ALX4: variants seen among roughly 807,000 people sequenced by gnomAD.
ALX4 encodes ALX homeobox 4, also known as homeobox protein aristaless-like 4.
Under a neutral mutation model 40.6 loss-of-function variants are expected in ALX4, and 22 were observed. That is an observed-to-expected ratio of 0.54 (90% CI 0.39 to 0.77). The LOEUF (loss-of-function observed/expected upper bound fraction) is 0.77. Ranked by LOEUF, ALX4 falls within the 30% of genes least tolerant of loss-of-function variation. ALX4 has a pLI of 0.00. For synonymous variants in ALX4, 266 were observed against 240.5 expected (o/e 1.11, Z -0.98); for missense variants, 556 against 564.8 (o/e 0.98, Z 0.16).
At position 44,305,739 on chromosome 11, in the gene ALX4, T is replaced by C. The variant is rs532438250; in HGVS notation, c.466+3858A>G. Among the ~76,000 whole-genome samples, 3 of 152,372 alleles carry C rather than the reference T, an allele frequency of 2.0e-5. No individual in the cohort carries two copies. In the East Asian group the frequency reaches 5.8e-4, roughly 29 times the overall value. On this transcript the variant is annotated intron_variant, in intron 1 of 3. Coordinates refer to ENST00000652299, the MANE Select transcript of ALX4 (RefSeq NM_021926.4). ...AGGCGGCACCCCAGGGGCTCCAACC[T>C]GGCCCGCGCCTCCCCAGACCTTGGC...
intron 1 of ALX4, among the ~76,000 whole-genome samples, chr11:44,276,097 A>C (rs1326741091): frequency 1.3e-5 from 2 of 152,130 alleles, no homozygotes; most frequent in Admixed American, 1.3e-4. Flanking sequence ...TGTCTGGCCC[A>C]GTGGGGCTTG....
intron 1 of ALX4, among the ~76,000 whole-genome samples, chr11:44,300,454 T>A (rs926095197): frequency 2.0e-5 from 3 of 152,142 alleles, no homozygotes; most frequent in Admixed American, 6.5e-5. Context: ...TGTGGCCACA[T>A]AGAGACATCG....
At chr11:44,270,217 G>T (rs1229616630) in intron 2 of ALX4, among the ~76,000 whole-genome samples, 1 of 152,142 alleles carries the variant, frequency 6.6e-6, no homozygotes, top group South Asian at 2.1e-4. Flanking sequence ...GAGGAGATGT[G>T]GGTTATCTGG....
rs1021628863 is a variant in ALX4, at chr11:44,262,984, A to G, written c.*1870T>C. On this transcript the variant is annotated 3_prime_UTR_variant, in exon 4 of 4. Transcript: ENST00000652299. ...CAATGTCCAAGACCCTTTCACCTCTATAAGATCCATTTTAGAGCTACGGTT... is the reference window on the plus strand; with the variant it reads ...CAATGTCCAAGACCCTTTCACCTCTGTAAGATCCATTTTAGAGCTACGGTT... 2.0e-5 allele frequency: 3 copies of G among 152,184 alleles called. No individual in the cohort carries two copies. Among genetic ancestry groups the G allele is most frequent in the African/African-American group, 4.8e-5 (2 of 41,454 alleles). The allele number at this position is 152,184 out of a possible 1,614,324, so 9.4% of individuals were successfully genotyped here.
At chr11:44,276,683 G>A (rs923303965) in intron 1 of ALX4, among the ~76,000 whole-genome samples, 10 of 152,220 alleles carry the variant, frequency 6.6e-5, no homozygotes, top group Non-Finnish European at 1.0e-4. Context: ...CTGGTTTTGT[G>A]GAAGATAATT....
rs1956190921 is a variant in ALX4 at position 44,262,893 on chromosome 11, C to T, written c.*1961G>A. 1 of 152,204 alleles carries T rather than the reference C, an allele frequency of 6.6e-6. No homozygotes were observed. Among genetic ancestry groups the T allele is most frequent in the South Asian group, 2.1e-4 (1 of 4,824 alleles). The allele number at this position is 152,204 out of a possible 1,614,324, so 9.4% of individuals were successfully genotyped here. ...AACCTCAGAACTAGAAAAAACTTCC[C>T]AAAAGTCACTCCAAATCCTCAAATA... On this transcript the variant is annotated 3_prime_UTR_variant, in exon 4 of 4. Transcript: ENST00000652299.
intron 3 of ALX4, among the ~76,000 whole-genome samples, chr11:44,265,845 G>T (rs1407335907): frequency 1.3e-5 from 2 of 152,320 alleles, no homozygotes; most frequent in African/African-American, 2.4e-5. Flanking sequence ...GAGGGCATGT[G>T]CAGGGATGAG....
Position 44,264,912 on chromosome 11 carries a change from A to T in ALX4, c.1178T>A (p.Ile393Asn), listed in dbSNP as rs777315924. 2.5e-6 allele frequency: 4 copies of T among 1,612,914 alleles called. No homozygotes were observed. Among genetic ancestry groups the T allele is most frequent in the Admixed American group, 3.3e-5 (2 of 59,998 alleles). Reference protein sequence around the residue: ...NGEPDRKTSSIAALRMKAKEH... With the variant: ...NGEPDRKTSSNAALRMKAKEH... The stretch of plus-strand genomic sequence containing the variant: ...CTTGGCCTTCATGCGGAGGGCCGCG[A>T]TGCTCGAGGTCTTGCGGTCCGGCTC... Residue 393 changes from isoleucine (I) to asparagine (N), a missense_variant, in exon 4 of 4, where the codon ATC (isoleucine) becomes AAC (asparagine). Ile to Asn is a moderately radical substitution (Grantham distance 149). Coordinates refer to ENST00000652299, the MANE Select transcript of ALX4 (RefSeq NM_021926.4).
intron 1 of ALX4, among the ~76,000 whole-genome samples, chr11:44,291,348 C>G (rs4998870): frequency 0.68 from 102,474 of 151,692 alleles, 34,871 homozygotes; most frequent in South Asian, 0.89. Context: ...CCTGTTGTCA[C>G]TGTCTGGCAC....
In ALX4 at chr11:44,264,617, C is replaced by T; in HGVS notation, c.*237G>A. 1 of 587,900 alleles carries T rather than the reference C, an allele frequency of 1.7e-6. No individual in the cohort carries two copies. The highest frequency in any genetic ancestry group is 3.0e-6 in the Non-Finnish European group (1 of 331,948). The allele number at this position is 587,900 out of a possible 1,614,324, so 36.4% of individuals were successfully genotyped here. On this transcript the variant is annotated 3_prime_UTR_variant, in exon 4 of 4. Coordinates refer to ENST00000652299, the MANE Select transcript of ALX4 (RefSeq NM_021926.4). ...CGTGGCCACCTGGCTTTCTCCACTG[C>T]CTGTGGCCGGGAGCAGGGGTCAGGG...
chr11:44,304,214 T>C (rs1357913718), intron 1 of ALX4, among the ~76,000 whole-genome samples: 1 of 152,260 alleles, frequency 6.6e-6, no homozygotes, highest in Non-Finnish European at 1.5e-5. Flanking sequence ...GGACCTGTGC[T>C]GATGGCCGGA....
chr11:44,278,640 G>A (rs767083699), intron 1 of ALX4, among the ~76,000 whole-genome samples: 4 of 152,196 alleles, frequency 2.6e-5, no homozygotes, highest in African/African-American at 9.7e-5. Flanking sequence ...CAGAGATAGA[G>A]GTGGCACAGG....
chr11:44,301,976 G>T (rs948013379), intron 1 of ALX4, among the ~76,000 whole-genome samples: 1 of 152,172 alleles, frequency 6.6e-6, no homozygotes. Context: ...GATGACGCGG[G>T]GGGTGGTTGG....
Position 44,275,432 on chromosome 11 carries a change from C to T in ALX4, c.693G>A (p.Lys231=). ...FTSYQLEELE[K]VFQKTHYPDV... ...CTGGGTAGTGGGTCTTCTGGAAGAC[C>T]TTCTCCAGCTCCTCCAGCTGGTAGC... Residue 231 remains lysine, a synonymous_variant, in exon 2 of 4, where the codon AAG becomes AAA. Transcript: ENST00000652299. The T allele has an allele frequency of 6.2e-7, 1 of 1,614,194 alleles. No homozygotes were observed. Among genetic ancestry groups the T allele is most frequent in the Non-Finnish European group, 8.5e-7 (1 of 1,180,024 alleles).
At position 44,264,915 on chromosome 11, in the gene ALX4, C is replaced by G; in HGVS notation, c.1175G>C (p.Ser392Thr). The change falls in exon 4 of 4, where the codon AGC (serine) becomes ACC (threonine). Residue 392 changes from serine (S) to threonine (T), a missense_variant. Ser to Thr is a moderately conservative substitution (Grantham distance 58). Transcript: ENST00000652299. ...LNGEPDRKTS[S>T]IAALRMKAKE... ...GGCCTTCATGCGGAGGGCCGCGATGCTCGAGGTCTTGCGGTCCGGCTCGCC... is the reference window on the plus strand; with the variant it reads ...GGCCTTCATGCGGAGGGCCGCGATGGTCGAGGTCTTGCGGTCCGGCTCGCC... The G allele has an allele frequency of 6.2e-7, 1 of 1,613,056 alleles. No homozygotes were observed. The highest frequency in any genetic ancestry group is 1.7e-5 in the Admixed American group (1 of 60,024).
intron 1 of ALX4, among the ~76,000 whole-genome samples, chr11:44,279,399 G>A (rs1276353762): frequency 6.6e-6 from 1 of 152,216 alleles, no homozygotes; most frequent in African/African-American, 2.4e-5. Flanking sequence ...GGGTGGCAGG[G>A]ATGATATGAG....
chr11:44,290,863 C>T (rs754234468), intron 1 of ALX4, among the ~76,000 whole-genome samples: 6 of 152,164 alleles, frequency 3.9e-5, no homozygotes, highest in East Asian at 3.9e-4. Context: ...GAGTGCAAGA[C>T]GGCATATCCC....
chr11:44,292,207 G>A (rs939295311), intron 1 of ALX4, among the ~76,000 whole-genome samples: 7 of 151,868 alleles, frequency 4.6e-5, no homozygotes, highest in African/African-American at 1.7e-4. Flanking sequence ...GAAAGTAATG[G>A]CTCAATTAAT....
chr11:44,267,703 C>T (rs1956221710), intron 2 of ALX4, 81 bp from the exon 3 acceptor site: 11 of 1,593,124 alleles, frequency 6.9e-6, no homozygotes, highest in Admixed American at 1.7e-5. Flanking sequence ...CAAACTGTTC[C>T]CTTGAGCCCC....
Sources: allele counts gnomAD v4.1 joint callset (sites outside exome capture counted in the v4.1 genomes callset), GRCh38; gene constraint gnomAD v4.1.1; transcripts MANE v1.5; gene names NCBI Gene and HGNC (gene_info 2026-07-23, HGNC 2026-07-21).